CDH7: variants seen among roughly 807,000 people sequenced by gnomAD.
CDH7 encodes the protein cadherin 7.
In CDH7, 25 loss-of-function variants were observed where a neutral mutation model predicts 71.8. The observed-to-expected ratio is 0.35, with a 90% CI of 0.25 to 0.49. The LOEUF is 0.49. Ranked by LOEUF, CDH7 falls within the 20% of genes least tolerant of loss-of-function variation. The pLI is 0.99. For missense variants in CDH7, 862 were observed against 974.6 expected (o/e 0.88, Z 1.54); for synonymous variants, 381 against 363.8 (o/e 1.05, Z -0.54).
rs140338341 is a variant in CDH7, at chr18:65,769,018, C to T, written c.210+5966C>T. ...AGATAGAAGCATTAAAAAATAAACT[C>T]TTTCATAAAATTCACAGTCTGGTTG... On this transcript the variant is annotated intron_variant, in intron 2 of 11. Coordinates refer to ENST00000397968, the MANE Select transcript of CDH7 (RefSeq NM_004361.5). Among the ~76,000 whole-genome samples, 400 of 151,804 alleles carry T rather than the reference C, an allele frequency of 2.6e-3. 3 individuals carry two copies. The highest frequency in any genetic ancestry group is 9.1e-3 in the African/African-American group (378 of 41,368).
intron 6 of CDH7, among the ~76,000 whole-genome samples, chr18:65,841,015 T>G (rs1912713636): frequency 6.6e-6 from 1 of 152,148 alleles, no homozygotes; most frequent in Non-Finnish European, 1.5e-5. Flanking sequence ...AAATTTAATT[T>G]TTTTATTCAA....
In CDH7 at chr18:65,774,883, G is replaced by A. The variant is rs1023792337; in HGVS notation, c.210+11831G>A. On this transcript the variant is annotated intron_variant, in intron 2 of 11. Coordinates refer to ENST00000397968, the MANE Select transcript of CDH7 (RefSeq NM_004361.5). Reference sequence around the variant, plus strand: ...GGAAATAAATAATAGCAAAAGAGGCGGGGAAGGGAGAAAAGAGCTAGGTTG... The same window carrying A: ...GGAAATAAATAATAGCAAAAGAGGCAGGGAAGGGAGAAAAGAGCTAGGTTG... Among the ~76,000 whole-genome samples the A allele has an allele frequency of 2.6e-5, 4 of 152,056 alleles. No individual in the cohort carries two copies. In the South Asian group the frequency reaches 6.2e-4, roughly 24 times the overall value.
rs71167157 is a variant in CDH7, at chr18:65,844,174, G to GATTTAT, written c.1235+111_1235+112insTTATAT. The GATTTAT allele has an allele frequency of 1.1e-3, 258 of 227,978 alleles. 93 individuals are homozygous for GATTTAT. Among genetic ancestry groups the GATTTAT allele is most frequent in the South Asian group, 4.1e-3 (56 of 13,548 alleles). The allele number at this position is 227,978 out of a possible 1,614,324, so 14.1% of individuals were successfully genotyped here. On this transcript the variant is annotated intron_variant, in intron 7 of 11. Coordinates refer to ENST00000397968, the MANE Select transcript of CDH7 (RefSeq NM_004361.5). ...CTTTGTTCATAACAAATAAAAACCA[G>GATTTAT]ATATATATATATATCGAGTTATAAC...
rs753224056 is a variant in CDH7, at chr18:65,819,488, A to G, written c.626-2593A>G. Reference sequence around the variant, plus strand: ...CAATTTGTGGGCTTGCCTGTTTAGTATCACTTACCTCTTGATATATATTAT... The same window carrying G: ...CAATTTGTGGGCTTGCCTGTTTAGTGTCACTTACCTCTTGATATATATTAT... On this transcript the variant is annotated intron_variant, in intron 4 of 11. Transcript: ENST00000397968. 5.3e-5 allele frequency among the ~76,000 whole-genome samples: 8 copies of G among 152,280 alleles called. 1 individual carries two copies. Among genetic ancestry groups the G allele is most frequent in the Non-Finnish European group, 8.8e-5 (6 of 68,018 alleles).
At chr18:65,776,510 G>C (rs564992394) in intron 2 of CDH7, among the ~76,000 whole-genome samples, 3 of 152,098 alleles carry the variant, frequency 2.0e-5, no homozygotes, top group African/African-American at 7.2e-5. Context: ...AGTTTCCCAG[G>C]AGGCAAGAGA....
chr18:65,844,172 C>CACATTTATATAT, intron 7 of CDH7, 107 bp downstream of exon 7: 1 of 59,304 alleles, frequency 1.7e-5, no homozygotes, highest in South Asian at 3.8e-4. Context: ...AAATAAAAAC[C>CACATTTATATAT]AGATATATAT....
intron 2 of CDH7, among the ~76,000 whole-genome samples, chr18:65,763,883 A>G (rs1344158615): frequency 6.6e-6 from 1 of 151,608 alleles, no homozygotes; most frequent in Non-Finnish European, 1.5e-5. Context: ...TTGGCATATC[A>G]TGTTCTCGGT....
In CDH7 at chr18:65,845,610, A is replaced by G. The variant is rs8083045; in HGVS notation, c.1235+1545A>G. Among the ~76,000 whole-genome samples, 802 of 152,222 alleles carry G rather than the reference A, an allele frequency of 5.3e-3. 3 individuals are homozygous for G. Among genetic ancestry groups the G allele is most frequent in the African/African-American group, 0.018 (748 of 41,560 alleles). On this transcript the variant is annotated intron_variant, in intron 7 of 11. Coordinates refer to ENST00000397968, the MANE Select transcript of CDH7 (RefSeq NM_004361.5). ...CTTGCCCTCATGAACAATCAACCAC[A>G]GTACAATTACTGGCATAGATTAGCT...
At chr18:65,825,080 G>A (rs1334916178) in intron 6 of CDH7, among the ~76,000 whole-genome samples, 1 of 151,776 alleles carries the variant, frequency 6.6e-6, no homozygotes, top group African/African-American at 2.4e-5. Flanking sequence ...TAAAAATAAA[G>A]CAAACTGGCA....
At chr18:65,787,475 G>T (rs189628976) in intron 2 of CDH7, among the ~76,000 whole-genome samples, 2 of 152,324 alleles carry the variant, frequency 1.3e-5, no homozygotes, top group Non-Finnish European at 2.9e-5. Flanking sequence ...CAGGAGGATG[G>T]AGAGTAGTTA....
At chr18:65,793,630 A>T (rs573129013) in intron 2 of CDH7, among the ~76,000 whole-genome samples, 1 of 152,290 alleles carries the variant, frequency 6.6e-6, no homozygotes, top group South Asian at 2.1e-4. Context: ...AGAACATCTC[A>T]TCACACTGTA....
rs548898036 is a variant in CDH7 at position 65,796,522 on chromosome 18, G to C, written c.211-13182G>C. Among the ~76,000 whole-genome samples the C allele has an allele frequency of 4.6e-5, 7 of 152,272 alleles. No homozygotes were observed. The East Asian group carries it at 1.3e-3, about 29-fold the overall frequency. ...GGTAGCTACTACATATTTATTGACT[G>C]TGTTAATTATTGTAGTTTACCCACA... On this transcript the variant is annotated intron_variant, in intron 2 of 11. Coordinates refer to ENST00000397968, the MANE Select transcript of CDH7 (RefSeq NM_004361.5).
intron 11 of CDH7, among the ~76,000 whole-genome samples, chr18:65,864,359 T>C (rs1913683884): frequency 6.6e-6 from 1 of 151,892 alleles, no homozygotes; most frequent in African/African-American, 2.4e-5. Context: ...CTTAAAACAT[T>C]ATGAAATGTT....
intron 6 of CDH7, among the ~76,000 whole-genome samples, chr18:65,829,921 A>C (rs1912278396): frequency 6.6e-6 from 1 of 151,990 alleles, no homozygotes; most frequent in African/African-American, 2.4e-5. Context: ...GGATTGAATA[A>C]ATATCCAAGG....
At chr18:65,834,666 A>G (rs1189109540) in intron 6 of CDH7, among the ~76,000 whole-genome samples, 1 of 152,224 alleles carries the variant, frequency 6.6e-6, no homozygotes, top group Non-Finnish European at 1.5e-5. Context: ...CCTGACATCT[A>G]TGATACGTAG....
chr18:65,824,696 C>T lies in CDH7; in HGVS notation c.846C>T (p.Ala282=). 1 of 1,611,558 alleles carries T rather than the reference C, an allele frequency of 6.2e-7. No homozygotes were observed. Among genetic ancestry groups the T allele is most frequent in the Non-Finnish European group, 8.5e-7 (1 of 1,178,344 alleles). The change falls in exon 6 of 12, where the codon GCC becomes GCT. Residue 282 remains alanine (A), a synonymous_variant. Coordinates refer to ENST00000397968, the MANE Select transcript of CDH7 (RefSeq NM_004361.5). ...CATTACCTGTAGCCTCAGTTGTGGC[C>T]AGAATTAAAGCTGCTGATGCAGATA... The part of the protein sequence containing the change: ...PESLPVASVV[A]RIKAADADIG...
intron 2 of CDH7, among the ~76,000 whole-genome samples, chr18:65,805,283 G>A (rs987405404): frequency 6.6e-6 from 1 of 152,194 alleles, no homozygotes; most frequent in Non-Finnish European, 1.5e-5. Context: ...TTTGCATCGA[G>A]CTGAATTGGA....
Position 65,881,214 on chromosome 18 carries a change from A to G in CDH7, c.*320A>G. 4.9e-6 allele frequency: 1 copy of G among 205,880 alleles called. No individual in the cohort carries two copies. The highest frequency in any genetic ancestry group is 9.8e-6 in the Non-Finnish European group (1 of 101,594). 12.8% of individuals were successfully genotyped at this position (205,880 alleles called of 1,614,324 possible). A position where few individuals can be genotyped will look rare whatever the true frequency, so the allele number is the denominator to read the frequency against. ...CAAAGGCACCAAACCTCTATGAGAA[A>G]GTAGTGCCCTGTGTTGTCAGTGAGT... On this transcript the variant is annotated 3_prime_UTR_variant, in exon 12 of 12. Transcript: ENST00000397968.
chr18:65,810,087 A>C, intron 3 of CDH7, 89 bp downstream of exon 3: 1 of 1,148,874 alleles, frequency 8.7e-7, no homozygotes, highest in Non-Finnish European at 1.3e-6. Context: ...TACTGAAAAA[A>C]AAAAAAACCT....
Sources: gnomAD v4.1 joint callset for allele counts (sites outside exome capture counted in the v4.1 genomes callset) on GRCh38, gnomAD v4.1.1 for gene constraint, MANE v1.5 for transcripts, NCBI Gene and HGNC (gene_info 2026-07-23, HGNC 2026-07-21) for gene names.